ZNF275: variants seen among roughly 807,000 people sequenced by gnomAD.
The protein encoded by ZNF275 is zinc finger protein 275.
Under a neutral mutation model 4.3 loss-of-function variants are expected in ZNF275, and 4 were observed. The observed-to-expected ratio is 0.93, with a 90% CI of 0.46 to 2.13. ZNF275 has a LOEUF of 2.13. Among genes scored for constraint, ZNF275 ranks in the 30% most tolerant of loss-of-function variants. The pLI is 0.02. For missense variants in ZNF275, 352 were observed against 397.1 expected (o/e 0.89, Z 0.97); for synonymous variants, 173 against 166.9 (o/e 1.04, Z -0.28).
rs964950205 is a variant in ZNF275 at position 153,347,423 on chromosome X, C to T, written c.738C>T (p.Phe246=). 8.3e-6 allele frequency: 10 copies of T among 1,210,832 alleles called. No individual in the cohort carries two copies. The African/African-American group carries it at 1.7e-4, about 21-fold the overall frequency. ...PFACKACSRD[F]LDRQELLKHQ... is the part of the protein sequence containing the mutation. ...CCTGCAAGGCGTGCAGCAGGGATTT[C>T]CTGGATCGCCAGGAGCTTCTCAAGC... The change falls in exon 4 of 4, where the codon TTC becomes TTT. Residue 246 remains phenylalanine (F), a synonymous_variant. Coordinates refer to ENST00000650114, the MANE Select transcript of ZNF275 (RefSeq NM_001367757.1).
intron 2 of ZNF275, among the ~76,000 whole-genome samples, chrX:153,339,481 G>A (rs2124205636): frequency 9.3e-6 from 1 of 107,731 alleles, no homozygotes; most frequent in South Asian, 4.2e-4. Context: ...AGACAGTCTA[G>A]GCAGCATAGT....
At position 153,348,783 on chromosome X, in the gene ZNF275, T is replaced by G. The variant is rs1410171315; in HGVS notation, c.*808T>G. 8.1e-6 allele frequency: 1 copy of G among 123,861 alleles called. No individual in the cohort carries two copies. The highest frequency in any genetic ancestry group is 3.2e-5 in the African/African-American group (1 of 30,932). The allele number at this position is 123,861 out of a possible 1,213,427, so 10.2% of individuals were successfully genotyped here. ...GTCGTTTTTTAATCTGTCCTGTGAC[T>G]GTACAATATAACCACTTAAGGTCAT... On this transcript the variant is annotated 3_prime_UTR_variant, in exon 4 of 4. Coordinates refer to ENST00000650114, the MANE Select transcript of ZNF275 (RefSeq NM_001367757.1).
chrX:153,338,105 C>T lies in ZNF275; in HGVS notation c.31+1395C>T, dbSNP rs60156767. 6.4e-3 allele frequency among the ~76,000 whole-genome samples: 711 copies of T among 111,751 alleles called. 7 individuals carry two copies. Among genetic ancestry groups the T allele is most frequent in the African/African-American group, 0.022 (664 of 30,697 alleles). ...CCTGCGTTTGTCACTTTTGTCACAG[C>T]ATCCAGCTTCTTTTCCTGATTAGTT... is the stretch of plus-strand genomic sequence containing the variant. On this transcript the variant is annotated intron_variant, in intron 2 of 3. Coordinates refer to ENST00000650114, the MANE Select transcript of ZNF275 (RefSeq NM_001367757.1).
chrX:153,336,557 C>T, intron 1 of ZNF275, 77 bp from the exon 2 acceptor site: 2 of 728,233 alleles, frequency 2.7e-6, no homozygotes, highest in Non-Finnish European at 4.2e-6. Context: ...AGTACATCCC[C>T]CAAAATGTGG....
chrX:153,345,214 C>A, intron 2 of ZNF275: 1 of 217,619 alleles, frequency 4.6e-6, no homozygotes, highest in Non-Finnish European at 8.6e-6. Context: ...CTGGGAAGAG[C>A]ATGAAGTTAA....
Position 153,347,397 on chromosome X carries a change from G to A in ZNF275, c.712G>A (p.Ala238Thr), listed in dbSNP as rs782516737. The change falls in exon 4 of 4, where the codon GCC becomes ACC. Residue 238 changes from alanine to threonine, a missense_variant. Transcript: ENST00000650114. ...ACTTCACACTTCGGAAAAGCCTTTC[G>A]CCTGCAAGGCGTGCAGCAGGGATTT... ...QKLHTSEKPFACKACSRDFLD... is the reference protein window; with the variant it reads ...QKLHTSEKPFTCKACSRDFLD... 5 of 1,212,104 alleles carry A rather than the reference G, an allele frequency of 4.1e-6. No individual in the cohort carries two copies. Among genetic ancestry groups the A allele is most frequent in the East Asian group, 3.0e-5 (1 of 33,832 alleles).
intron 3 of ZNF275, among the ~76,000 whole-genome samples, chrX:153,346,111 C>T: frequency 9.7e-6 from 1 of 103,612 alleles, no homozygotes; most frequent in African/African-American, 3.6e-5. Context: ...GCTCTCTGGG[C>T]ATTCAGGTTA....
At position 153,348,298 on chromosome X, in the gene ZNF275, C is replaced by A. The variant is rs1035134871; in HGVS notation, c.*323C>A. The A allele has an allele frequency of 7.8e-6, 1 of 128,129 alleles. No individual in the cohort carries two copies. The highest frequency in any genetic ancestry group is 1.7e-5 in the Non-Finnish European group (1 of 57,355). 10.6% of individuals were successfully genotyped at this position (128,129 alleles called of 1,213,427 possible). On this transcript the variant is annotated 3_prime_UTR_variant, in exon 4 of 4. Coordinates refer to ENST00000650114, the MANE Select transcript of ZNF275 (RefSeq NM_001367757.1). ...GAGGTCATCAACTCCAAGCTCCCCCCGCCCCAGAGAAACACACAGAGCTGT... is the reference window on the plus strand; with the variant it reads ...GAGGTCATCAACTCCAAGCTCCCCCAGCCCCAGAGAAACACACAGAGCTGT...
chrX:153,346,684 CTTGCT>C, intron 3 of ZNF275, 130 bp from the exon 4 acceptor site: 1 of 649,385 alleles, frequency 1.5e-6, no homozygotes, highest in Non-Finnish European at 2.3e-6. Context: ...TTCTGCAGTC[CTTGCT>C]TCTGGTGGCT....
Position 153,350,290 on chromosome X carries a change from C to G in ZNF275, c.*2315C>G. The stretch of plus-strand genomic sequence containing the variant: ...CCCCTCCGATGGCTTGTGCGTTATG[C>G]TGATAGAAGCTGGCAGCACTGCCCT... On this transcript the variant is annotated 3_prime_UTR_variant, in exon 4 of 4. Coordinates refer to ENST00000650114, the MANE Select transcript of ZNF275 (RefSeq NM_001367757.1). The G allele has an allele frequency of 1.6e-5, 2 of 125,388 alleles. No individual in the cohort carries two copies. 10.3% of individuals were successfully genotyped at this position (125,388 alleles called of 1,213,427 possible). A position where few individuals can be genotyped will look rare whatever the true frequency, so the allele number is the denominator to read the frequency against.
At chrX:153,346,723 G>C (rs954911931) in intron 3 of ZNF275, 96 bp from the exon 4 acceptor site, 2 of 971,862 alleles carry the variant, frequency 2.1e-6, no homozygotes, top group Non-Finnish European at 2.7e-6. Flanking sequence ...CCCGTGCTCA[G>C]TGGCTGTCTC....
chrX:153,336,381 A>G (rs1602820630), intron 1 of ZNF275, among the ~76,000 whole-genome samples: 1 of 112,821 alleles, frequency 8.9e-6, no homozygotes, highest in Non-Finnish European at 1.9e-5. Context: ...GGATGGGCCC[A>G]CGTGGGGCCT....
rs2088525820 is a variant in ZNF275, at chrX:153,347,435, G to A, written c.750G>A (p.Gln250=). ...GCAGCAGGGATTTCCTGGATCGCCAGGAGCTTCTCAAGCACCAGCGCATGC... is the reference window on the plus strand; with the variant it reads ...GCAGCAGGGATTTCCTGGATCGCCAAGAGCTTCTCAAGCACCAGCGCATGC... ...KACSRDFLDR[Q]ELLKHQRMHT... Residue 250 remains glutamine (Q), a synonymous_variant, in exon 4 of 4, where the codon CAG becomes CAA. Transcript: ENST00000650114. 1 of 1,211,826 alleles carries A rather than the reference G, an allele frequency of 8.3e-7. No homozygotes were observed. The highest frequency in any genetic ancestry group is 3.0e-5 in the East Asian group (1 of 33,843).
rs1602834405 is a variant in ZNF275 at position 153,348,273 on chromosome X, G to A, written c.*298G>A. On this transcript the variant is annotated 3_prime_UTR_variant, in exon 4 of 4. Transcript: ENST00000650114. ...TGGATGTGGGGTAGGGAGGGGCTTA[G>A]AGGTCATCAACTCCAAGCTCCCCCC... 7.3e-6 allele frequency: 1 copy of A among 137,184 alleles called. No homozygotes were observed. Among genetic ancestry groups the A allele is most frequent in the East Asian group, 2.6e-4 (1 of 3,867 alleles). The allele number at this position is 137,184 out of a possible 1,213,427, so 11.3% of individuals were successfully genotyped here. A position where few individuals can be genotyped will look rare whatever the true frequency, so the allele number is the denominator to read the frequency against.
chrX:153,338,222 T>C (rs1556960740), intron 2 of ZNF275, among the ~76,000 whole-genome samples: 1 of 111,718 alleles, frequency 9.0e-6, no homozygotes, highest in Non-Finnish European at 1.9e-5. Flanking sequence ...TGAACTGCAG[T>C]AGGGATTAAT....
rs367933615 is a variant in ZNF275, at chrX:153,347,665, G to T, written c.980G>T (p.Gly327Val). 2.5e-6 allele frequency: 3 copies of T among 1,205,493 alleles called. No homozygotes were observed. Among genetic ancestry groups the T allele is most frequent in the Admixed American group, 4.4e-5 (2 of 45,740 alleles). Reference sequence around the variant, plus strand: ...AAGCCCTACGCCTGCGGCCAGTGCGGCAAGGCCTTCCGCCAGAGCTCCAGC... The same window carrying T: ...AAGCCCTACGCCTGCGGCCAGTGCGTCAAGGCCTTCCGCCAGAGCTCCAGC... ...GEKPYACGQC[G>V]KAFRQSSSLL... Residue 327 changes from glycine to valine, a missense_variant, in exon 4 of 4, where the codon GGC (glycine) becomes GTC (valine). By Grantham distance (109) the Gly-to-Val change is moderately radical. Transcript: ENST00000650114.
In ZNF275 at chrX:153,348,500, A is replaced by G. The variant is rs2088536414; in HGVS notation, c.*525A>G. On this transcript the variant is annotated 3_prime_UTR_variant, in exon 4 of 4. Transcript: ENST00000650114. ...ATACATACTGTAAATCACATATTAT[A>G]TAAAATAATATATTAATTTAGAAAA... is the stretch of plus-strand genomic sequence containing the variant. 4 of 124,683 alleles carry G rather than the reference A, an allele frequency of 3.2e-5. No homozygotes were observed. 10.3% of individuals were successfully genotyped at this position (124,683 alleles called of 1,213,427 possible).
intron 2 of ZNF275, chrX:153,344,713 A>T (rs782048161): frequency 2.7e-6 from 1 of 374,166 alleles, no homozygotes; most frequent in African/African-American, 2.6e-5. Flanking sequence ...CCTCACCACA[A>T]GGGAGTGGTT....
At chrX:153,335,856 G>C (rs949231445) in intron 1 of ZNF275, among the ~76,000 whole-genome samples, 53 of 110,794 alleles carry the variant, frequency 4.8e-4, no homozygotes, top group African/African-American at 1.6e-3. Flanking sequence ...TCCCACATGA[G>C]TTCTTAGTGA....
Sources: allele counts gnomAD v4.1 joint callset (sites outside exome capture counted in the v4.1 genomes callset), GRCh38; gene constraint gnomAD v4.1.1; transcripts MANE v1.5; gene names NCBI Gene and HGNC (gene_info 2026-07-23, HGNC 2026-07-21).